Variants in DIP2B observed in about 807,000 individuals in gnomAD.
DIP2B encodes the protein DIP2 acetate--CoA ligase B (putative), also known as disco-interacting protein 2 homolog B.
DIP2B carries 76 observed loss-of-function variants against 198.0 expected under a neutral mutation model. The observed-to-expected ratio is 0.38, with a 90% CI of 0.32 to 0.46. DIP2B has a LOEUF of 0.46. Among genes scored for constraint, DIP2B ranks in the 20% least tolerant of loss-of-function variants. The pLI is 0.99. For synonymous variants in DIP2B, 701 were observed against 739.1 expected (o/e 0.95, Z 0.84); for missense variants, 1,559 against 1,978.4 (o/e 0.79, Z 4.02).
At chr12:50,526,988 A>G (rs1203470457) in intron 1 of DIP2B, among the ~76,000 whole-genome samples, 3 of 152,130 alleles carry the variant, frequency 2.0e-5, no homozygotes, top group Non-Finnish European at 4.4e-5. Context: ...GATCTAAAGC[A>G]TAAGTTAATT....
At position 50,552,628 on chromosome 12, in the gene DIP2B, T is replaced by G. The variant is rs111270153; in HGVS notation, c.100+47388T>G. Among the ~76,000 whole-genome samples the G allele has an allele frequency of 2.4e-4, 36 of 152,280 alleles. No homozygotes were observed. The Middle Eastern group carries it at 0.014, about 58-fold the overall frequency. The stretch of plus-strand genomic sequence containing the variant: ...AGTTAACTTTTCTCTCTGTTGATTG[T>G]GTCTTTGGATGCACAAAAATTCTTA... On this transcript the variant is annotated intron_variant, in intron 1 of 37. Transcript: ENST00000301180.
intron 1 of DIP2B, among the ~76,000 whole-genome samples, chr12:50,523,501 A>G (rs1009870499): frequency 2.0e-5 from 3 of 152,218 alleles, no homozygotes; most frequent in Admixed American, 1.3e-4. Flanking sequence ...ATATAAATTT[A>G]ATGGGAGTCC....
At chr12:50,600,888 C>CCACCAT (rs1258720963) in intron 1 of DIP2B, among the ~76,000 whole-genome samples, 1 of 144,230 alleles carries the variant, frequency 6.9e-6, no homozygotes, top group Non-Finnish European at 1.5e-5. Flanking sequence ...ACCACCATGA[C>CCACCAT]CACCATCACC....
Position 50,698,357 on chromosome 12 carries a change from G to T in DIP2B, c.2078G>T (p.Gly693Val). 6.2e-7 allele frequency: 1 copy of T among 1,613,370 alleles called. No individual in the cohort carries two copies. The highest frequency in any genetic ancestry group is 8.5e-7 in the Non-Finnish European group (1 of 1,179,608). ...GGAGTTCCAGGAGCCCCTTTGCCAGGAAGAGCCATTCTCTCAATGAATGGA... is the reference window on the plus strand; with the variant it reads ...GGAGTTCCAGGAGCCCCTTTGCCAGTAAGAGCCATTCTCTCAATGAATGGA... ...RPGVPGAPLPGRAILSMNGLS... is the reference protein window; with the variant it reads ...RPGVPGAPLPVRAILSMNGLS... The change falls in exon 18 of 38, where the codon GGA becomes GTA. Residue 693 changes from glycine (G) to valine (V), a missense_variant. Gly to Val is a moderately radical substitution (Grantham distance 109, BLOSUM62 -3). Transcript: ENST00000301180.
intron 9 of DIP2B, among the ~76,000 whole-genome samples, chr12:50,682,260 T>C (rs1939052967): frequency 6.6e-6 from 1 of 151,390 alleles, no homozygotes; most frequent in Non-Finnish European, 1.5e-5. Context: ...TTACACCTAT[T>C]ACCAGATGCC....
rs530796784 is a variant in DIP2B, at chr12:50,577,065, C to T, written c.101-48911C>T. Among the ~76,000 whole-genome samples, 6 of 151,746 alleles carry T rather than the reference C, an allele frequency of 4.0e-5. No individual in the cohort carries two copies. The East Asian group carries it at 9.7e-4, about 25-fold the overall frequency. ...TTCACCATGTTGGCCAGGCTGGTCT[C>T]GAACTCCTGACTACAGGCGTGAGCC... is the stretch of plus-strand genomic sequence containing the variant. On this transcript the variant is annotated intron_variant, in intron 1 of 37. Coordinates refer to ENST00000301180, the MANE Select transcript of DIP2B (RefSeq NM_173602.3).
At chr12:50,682,030 A>T (rs1200153810) in intron 9 of DIP2B, among the ~76,000 whole-genome samples, 1 of 152,250 alleles carries the variant, frequency 6.6e-6, no homozygotes, top group Non-Finnish European at 1.5e-5. Flanking sequence ...GACGTAATTA[A>T]GTTTCAAATA....
At chr12:50,651,657 G>A (rs975551169) in intron 3 of DIP2B, among the ~76,000 whole-genome samples, 12 of 138,036 alleles carry the variant, frequency 8.7e-5, no homozygotes, top group African/African-American at 2.5e-5. Context: ...GTATATTTCC[G>A]GGCTCTCTAT....
chr12:50,606,725 C>T (rs955106383), intron 1 of DIP2B, among the ~76,000 whole-genome samples: 2 of 151,656 alleles, frequency 1.3e-5, no homozygotes, highest in African/African-American at 4.8e-5. Flanking sequence ...CCAACTCTTG[C>T]GTTCAAGCAA....
At chr12:50,545,617 A>G (rs1958370344) in intron 1 of DIP2B, among the ~76,000 whole-genome samples, 1 of 151,512 alleles carries the variant, frequency 6.6e-6, no homozygotes, top group Non-Finnish European at 1.5e-5. Flanking sequence ...GCTGAAGATA[A>G]CATTTTGGGC....
At chr12:50,527,258 A>G (rs922943813) in intron 1 of DIP2B, among the ~76,000 whole-genome samples, 3 of 152,320 alleles carry the variant, frequency 2.0e-5, no homozygotes, top group East Asian at 3.9e-4. Context: ...AGTGTGGCCA[A>G]CTACCAAGGA....
intron 25 of DIP2B, among the ~76,000 whole-genome samples, chr12:50,720,935 G>A (rs1184599419): frequency 6.6e-6 from 1 of 152,048 alleles, no homozygotes; most frequent in South Asian, 2.1e-4. Context: ...TGAGTAGCTG[G>A]GACTACAGGC....
intron 25 of DIP2B, among the ~76,000 whole-genome samples, chr12:50,720,396 T>C (rs1324313572): frequency 6.6e-6 from 1 of 151,796 alleles, no homozygotes; most frequent in East Asian, 1.9e-4. Context: ...ATCCAAAGTA[T>C]ACCCATCTCC....
Position 50,698,418 on chromosome 12 carries a change from T to C in DIP2B, c.2139T>C (p.Asp713=), listed in dbSNP as rs771075760. 2 of 1,613,954 alleles carry C rather than the reference T, an allele frequency of 1.2e-6. No homozygotes were observed. The highest frequency in any genetic ancestry group is 2.2e-5 in the East Asian group (1 of 44,870). The change falls in exon 18 of 38, where the codon GAT becomes GAC. Residue 713 remains aspartate (D), a synonymous_variant. Coordinates refer to ENST00000301180, the MANE Select transcript of DIP2B (RefSeq NM_173602.3). The stretch of plus-strand genomic sequence containing the variant: ...GGGTAATACGGGTCAATACTGAAGA[T>C]AAAAATTCAGCACTGACGGTCCAGG... ...SYGVIRVNTE[D]KNSALTVQDV... is the part of the protein sequence containing the mutation.
intron 3 of DIP2B, among the ~76,000 whole-genome samples, chr12:50,653,328 CTTTTTTTTTTTTCTTTTCTTTTTT>C (rs1938492140): frequency 8.6e-6 from 1 of 116,310 alleles, no homozygotes; most frequent in South Asian, 2.7e-4. Flanking sequence ...GTCTTTCTTT[CTTTTTTTTTTTTCTTTTCTTTTTT>C]TTTTTTTTTT....
chr12:50,744,303 G>T (rs973494226), intron 37 of DIP2B, among the ~76,000 whole-genome samples: 2 of 152,034 alleles, frequency 1.3e-5, no homozygotes, highest in African/African-American at 2.4e-5. Context: ...CGCCTGGCCT[G>T]ACAACTTTAA....
chr12:50,617,553 A>G (rs1025651995), intron 1 of DIP2B, among the ~76,000 whole-genome samples: 2 of 151,568 alleles, frequency 1.3e-5, no homozygotes, highest in Non-Finnish European at 2.9e-5. Flanking sequence ...TCATGCCTAT[A>G]TTCCCAGCAC....
At chr12:50,511,703 A>G (rs557709881) in intron 1 of DIP2B, among the ~76,000 whole-genome samples, 154 of 152,010 alleles carry the variant, frequency 1.0e-3, no homozygotes, top group Admixed American at 1.9e-3. Context: ...TAATCCCAGC[A>G]CTTTGGGAGG....
At chr12:50,647,083 C>T (rs543062943) in intron 3 of DIP2B, among the ~76,000 whole-genome samples, 8 of 151,662 alleles carry the variant, frequency 5.3e-5, no homozygotes, top group Non-Finnish European at 7.4e-5. Context: ...GCTGTGGTCC[C>T]GCTCTGTTGT....
Sources: gnomAD v4.1 joint callset for allele counts (sites outside exome capture counted in the v4.1 genomes callset) on GRCh38, gnomAD v4.1.1 for gene constraint, MANE v1.5 for transcripts, NCBI Gene and HGNC (gene_info 2026-07-23, HGNC 2026-07-21) for gene names.